Variants in ACTN4 observed in about 807,000 individuals in gnomAD.
The protein encoded by ACTN4 is alpha-actinin-4.
ACTN4 carries 18 observed loss-of-function variants against 114.2 expected under a neutral mutation model. The ratio of observed to expected loss-of-function variants is 0.16; its 90% CI spans 0.11 to 0.23. ACTN4 has a LOEUF of 0.23. Ranked by LOEUF, ACTN4 falls within the 10% of genes least tolerant of loss-of-function variation. The probability of loss-of-function intolerance (pLI) is 1.00; values close to 1 mark genes in which losing one functional copy is unlikely to be tolerated. For synonymous variants in ACTN4, 515 were observed against 506.3 expected (o/e 1.02, Z -0.23); for missense variants, 722 against 1,262.9 (o/e 0.57, Z 6.49).
intron 1 of ACTN4, among the ~76,000 whole-genome samples, chr19:38,651,620 C>T (rs927729008): frequency 1.3e-5 from 2 of 151,980 alleles, no homozygotes; most frequent in Non-Finnish European, 2.9e-5. Flanking sequence ...CAACCCTGAC[C>T]GTTGGCTTTT....
chr19:38,653,974 G>T (rs1044714167), intron 1 of ACTN4, among the ~76,000 whole-genome samples: 2 of 152,144 alleles, frequency 1.3e-5, no homozygotes, highest in Non-Finnish European at 2.9e-5. Flanking sequence ...TTTAGAATGG[G>T]TTTAAACTTG....
intron 8 of ACTN4, chr19:38,711,164 G>A: frequency 2.6e-6 from 1 of 385,274 alleles, no homozygotes; most frequent in Non-Finnish European, 3.6e-6. Context: ...CTGGCTTCCA[G>A]TCCAGAGCAA....
At position 38,647,702 on chromosome 19, in the gene ACTN4, G is replaced by A; in HGVS notation, c.-44G>A. The stretch of plus-strand genomic sequence containing the variant: ...CGGCTCGGGCAGAGGGGCGGGAGCT[G>A]AGGCGGGAGCGGACAGGCTGGTGGG... On this transcript the variant is annotated 5_prime_UTR_variant, in exon 1 of 21. Transcript: ENST00000252699. The A allele has an allele frequency of 1.3e-6, 2 of 1,518,966 alleles. No homozygotes were observed. The highest frequency in any genetic ancestry group is 1.8e-6 in the Non-Finnish European group (2 of 1,134,084). The allele number at this position is 1,518,966 out of a possible 1,614,324, so 94.1% of individuals were successfully genotyped here. A position where few individuals can be genotyped will look rare whatever the true frequency, so the allele number is the denominator to read the frequency against.
At chr19:38,686,721 G>T (rs1219509484) in intron 1 of ACTN4, among the ~76,000 whole-genome samples, 1 of 152,184 alleles carries the variant, frequency 6.6e-6, no homozygotes, top group Non-Finnish European at 1.5e-5. Flanking sequence ...TCTGTGTGGG[G>T]AGTGCAGGCT....
chr19:38,718,050 T>C lies in ACTN4; in HGVS notation c.1267T>C (p.Ser423Pro), dbSNP rs1170068378. Residue 423 changes from serine (S) to proline (P), a missense_variant, in exon 11 of 21, where the codon TCC becomes CCC. Physicochemically the swap from Ser to Pro is moderately conservative, Grantham distance 74. Transcript: ENST00000252699. Reference sequence around the variant, plus strand: ...GGCAGAGAAGTTCCGGCAGAAGGCCTCCATCCACGAGGCCTGGACTGACGG... The same window carrying C: ...GGCAGAGAAGTTCCGGCAGAAGGCCCCCATCCACGAGGCCTGGACTGACGG... ...HLAEKFRQKA[S>P]IHEAWTDGKE... 6.2e-7 allele frequency: 1 copy of C among 1,609,442 alleles called. No homozygotes were observed.
chr19:38,668,440 C>G (rs1967029746), intron 1 of ACTN4, among the ~76,000 whole-genome samples: 1 of 152,208 alleles, frequency 6.6e-6, no homozygotes, highest in Non-Finnish European at 1.5e-5. Context: ...GTAATCCCAG[C>G]ACTTTGGGAG....
At chr19:38,660,521 G>A (rs926022298) in intron 1 of ACTN4, among the ~76,000 whole-genome samples, 2 of 151,656 alleles carry the variant, frequency 1.3e-5, no homozygotes, top group Admixed American at 6.6e-5. Context: ...TCAGCCTCCC[G>A]AGTAGCTGGG....
At chr19:38,688,390 CAAAAA>C (rs35793948) in intron 1 of ACTN4, among the ~76,000 whole-genome samples, 29 of 81,130 alleles carry the variant, frequency 3.6e-4, no homozygotes, top group Non-Finnish European at 4.3e-4. Flanking sequence ...TTGTCTCTAC[CAAAAA>C]AAAAAAAAAA....
chr19:38,648,766 G>A (rs527248143), intron 1 of ACTN4, among the ~76,000 whole-genome samples: 22 of 152,062 alleles, frequency 1.4e-4, no homozygotes, highest in Admixed American at 1.3e-3. Context: ...CCGAAGTAGA[G>A]GGGATACGGA....
chr19:38,677,244 C>G (rs1967408340), intron 1 of ACTN4, among the ~76,000 whole-genome samples: 1 of 152,222 alleles, frequency 6.6e-6, no homozygotes. Context: ...GGCTCTCCCT[C>G]TCGAGGGTCA....
At position 38,654,672 on chromosome 19, in the gene ACTN4, C is replaced by T. The variant is rs1976664000; in HGVS notation, c.162+6765C>T. Among the ~76,000 whole-genome samples, 3 of 152,032 alleles carry T rather than the reference C, an allele frequency of 2.0e-5. No individual in the cohort carries two copies. In the South Asian group the frequency reaches 6.2e-4, roughly 32 times the overall value. Reference sequence around the variant, plus strand: ...AAGTTTTATCCAAGTAGCAGTTTCCCTGGGATTATAAAAATCCCCGAGGCA... The same window carrying T: ...AAGTTTTATCCAAGTAGCAGTTTCCTTGGGATTATAAAAATCCCCGAGGCA... On this transcript the variant is annotated intron_variant, in intron 1 of 20. Transcript: ENST00000252699.
chr19:38,707,189 C>CT (rs1968490367), intron 5 of ACTN4, among the ~76,000 whole-genome samples: 1 of 151,910 alleles, frequency 6.6e-6, no homozygotes, highest in Admixed American at 6.6e-5. Flanking sequence ...TGTGTGTCTT[C>CT]TTTTTTTTCC....
chr19:38,691,401 C>CAAAAAAAAAAAA (rs34899917), intron 1 of ACTN4, among the ~76,000 whole-genome samples: 49 of 52,768 alleles, frequency 9.3e-4, no homozygotes, highest in Non-Finnish European at 1.4e-3. Context: ...AACTCCGTCT[C>CAAAAAAAAAAAA]AAAAAAAAAA....
At chr19:38,700,954 TTCTC>T (rs750552080) in intron 2 of ACTN4, 44 bp from the exon 3 acceptor site, 1 of 1,605,940 alleles carries the variant, frequency 6.2e-7, no homozygotes, top group South Asian at 1.1e-5. Flanking sequence ...CTCTCTCCCT[TTCTC>T]TCTCTCTGTC....
chr19:38,682,529 C>T (rs1568699800), intron 1 of ACTN4, among the ~76,000 whole-genome samples: 1 of 152,168 alleles, frequency 6.6e-6, no homozygotes, highest in Non-Finnish European at 1.5e-5. Flanking sequence ...CCTGTTAGCT[C>T]TGCCTTCAGA....
intron 1 of ACTN4, among the ~76,000 whole-genome samples, chr19:38,685,006 C>T (rs577493109): frequency 2.0e-5 from 3 of 152,242 alleles, no homozygotes; most frequent in African/African-American, 7.2e-5. Flanking sequence ...AAGGCAGTGG[C>T]GTGATCTCAG....
chr19:38,727,040 C>T lies in ACTN4; in HGVS notation c.2274C>T (p.Asp758=), dbSNP rs767071822. 75 of 1,614,042 alleles carry T rather than the reference C, an allele frequency of 4.6e-5. No individual in the cohort carries two copies. Among genetic ancestry groups the T allele is most frequent in the African/African-American group, 8.0e-5 (6 of 74,944 alleles). ...NEVENQILTR[D]AKGISQEQMQ... ...TGGAGAACCAGATCCTCACCCGCGA[C>T]GCCAAGGGCATCAGCCAGGAGCAGA... Residue 758 remains aspartate, a synonymous_variant, in exon 18 of 21, where the codon GAC becomes GAT. Transcript: ENST00000252699. This position sits in a 1 kb window ranked among gnomAD's most constrained non-coding sequence, Gnocchi z 5.4.
rs1224859494 is a variant in ACTN4 at position 38,724,876 on chromosome 19, C to T, written c.2010+311C>T. 6.6e-6 allele frequency among the ~76,000 whole-genome samples: 1 copy of T among 152,168 alleles called. No individual in the cohort carries two copies. Among genetic ancestry groups the T allele is most frequent in the African/African-American group, 2.4e-5 (1 of 41,444 alleles). On this transcript the variant is annotated intron_variant, in intron 16 of 20. Coordinates refer to ENST00000252699, the MANE Select transcript of ACTN4 (RefSeq NM_004924.6). The surrounding 1 kb of genome is among the most constrained non-coding windows in gnomAD (Gnocchi z 7.0). ...AAAATTAGCTGGGCATGATGGTGCG[C>T]AGCCCAAGGAGGTCGAGGCTGCCGT... is the stretch of plus-strand genomic sequence containing the variant.
intron 1 of ACTN4, among the ~76,000 whole-genome samples, chr19:38,663,502 G>A (rs779024984): frequency 1.3e-4 from 20 of 152,320 alleles, no homozygotes; most frequent in South Asian, 8.3e-4. Flanking sequence ...GCTGTGTCCC[G>A]GGAGAGGAAA....
Sources: allele counts gnomAD v4.1 joint callset (sites outside exome capture counted in the v4.1 genomes callset), GRCh38; gene constraint gnomAD v4.1.1; non-coding constraint Gnocchi (gnomAD v3.1); transcripts MANE v1.5; gene names NCBI Gene and HGNC (gene_info 2026-07-23, HGNC 2026-07-21).